Variants in TMEM156 observed in about 807,000 individuals in gnomAD.
TMEM156 encodes transmembrane protein 156.
TMEM156 carries 28 observed loss-of-function variants against 30.5 expected under a neutral mutation model. That is an observed-to-expected ratio of 0.92 (90% CI 0.68 to 1.26). The LOEUF (loss-of-function observed/expected upper bound fraction) is 1.26. Ranked by LOEUF, TMEM156 falls within the 50% of genes most tolerant of loss-of-function variation. TMEM156 has a pLI of 0.00. For synonymous variants in TMEM156, 137 were observed against 119.9 expected (o/e 1.14, Z -0.93); for missense variants, 351 against 340.6 (o/e 1.03, Z -0.24).
chr4:39,030,681 G>C (rs1348227077), intron 1 of TMEM156, among the ~76,000 whole-genome samples: 2 of 152,098 alleles, frequency 1.3e-5, no homozygotes, highest in Non-Finnish European at 2.9e-5. Context: ...ATGATTACCT[G>C]GTTTTTATTA....
At chr4:38,974,619 C>T (rs1722761630) in intron 5 of TMEM156, among the ~76,000 whole-genome samples, 1 of 151,638 alleles carries the variant, frequency 6.6e-6, no homozygotes, top group African/African-American at 2.4e-5. Context: ...GGGTTTTATA[C>T]ATTTTTCCCA....
chr4:39,004,456 T>C (rs1428266293), intron 1 of TMEM156, among the ~76,000 whole-genome samples: 5 of 152,118 alleles, frequency 3.3e-5, no homozygotes, highest in Non-Finnish European at 5.9e-5. Context: ...CTAAGACCCA[T>C]GTACCTATCA....
At chr4:38,990,125 T>C (rs557472751) in intron 3 of TMEM156, among the ~76,000 whole-genome samples, 31 of 152,204 alleles carry the variant, frequency 2.0e-4, no homozygotes, top group Non-Finnish European at 4.0e-4. Context: ...CCACCCTGTG[T>C]ACACTCTTCT....
chr4:38,994,046 C>A, intron 2 of TMEM156, 48 bp from the exon 3 acceptor site: 2 of 1,490,552 alleles, frequency 1.3e-6, no homozygotes, highest in Non-Finnish European at 9.2e-7. Context: ...TAATACATAG[C>A]AAGAAAACAC....
At chr4:38,973,596 G>C (rs1204906315) in intron 5 of TMEM156, among the ~76,000 whole-genome samples, 1 of 152,080 alleles carries the variant, frequency 6.6e-6, no homozygotes, top group African/African-American at 2.4e-5. Flanking sequence ...TAAGGGAATT[G>C]TCTTAGGTTT....
rs1712197329 is a variant in TMEM156 at position 38,988,803 on chromosome 4, C to G, written c.739+48G>C. On this transcript the variant is annotated intron_variant, in intron 4 of 6. Transcript: ENST00000381938. ...AATTGTACTAAAAAGGAAATGAAAT[C>G]CATAGAAGAGATCAGGAGTTCCTCG... 3.1e-6 allele frequency: 5 copies of G among 1,610,272 alleles called. No homozygotes were observed. In the South Asian group the frequency reaches 5.5e-5, roughly 18 times the overall value.
At chr4:39,020,112 A>C (rs1024579781) in intron 1 of TMEM156, among the ~76,000 whole-genome samples, 3 of 152,202 alleles carry the variant, frequency 2.0e-5, no homozygotes, top group African/African-American at 7.2e-5. Flanking sequence ...AGATTCATTC[A>C]TACTGTTGCA....
chr4:39,017,971 G>T (rs1175842034), intron 1 of TMEM156, among the ~76,000 whole-genome samples: 2 of 151,942 alleles, frequency 1.3e-5, no homozygotes, highest in East Asian at 1.9e-4. Context: ...GGATAGATTT[G>T]CCCATTTACA....
At chr4:39,012,500 C>T (rs180862481) in intron 1 of TMEM156, among the ~76,000 whole-genome samples, 29 of 152,256 alleles carry the variant, frequency 1.9e-4, no homozygotes, top group Non-Finnish European at 1.0e-4. Context: ...TAGGAGAAAA[C>T]ATTGATTAGA....
chr4:38,981,642 C>T (rs549224790), intron 5 of TMEM156, among the ~76,000 whole-genome samples: 3 of 152,258 alleles, frequency 2.0e-5, no homozygotes, highest in Admixed American at 6.5e-5. Flanking sequence ...TGTTAGAAAC[C>T]AGCTATGAAC....
intron 1 of TMEM156, among the ~76,000 whole-genome samples, chr4:39,025,725 C>T (rs1351587659): frequency 6.6e-6 from 1 of 152,104 alleles, no homozygotes; most frequent in Non-Finnish European, 1.5e-5. Flanking sequence ...TTATGAAATT[C>T]CCTGTAGATA....
chr4:38,991,126 C>T (rs917555046), intron 3 of TMEM156, among the ~76,000 whole-genome samples: 5 of 151,496 alleles, frequency 3.3e-5, no homozygotes, highest in Admixed American at 1.3e-4. Flanking sequence ...TGACCCACCT[C>T]GCCCAGTTAA....
chr4:38,980,998 C>A, intron 5 of TMEM156: 1 of 962,006 alleles, frequency 1.0e-6, no homozygotes, highest in Middle Eastern at 5.4e-4. Context: ...TTTCTTCCTG[C>A]AAAAAGAATC....
intron 1 of TMEM156, among the ~76,000 whole-genome samples, chr4:39,014,524 G>T (rs1017160718): frequency 6.6e-6 from 1 of 151,936 alleles, no homozygotes; most frequent in African/African-American, 2.4e-5. Flanking sequence ...TTTGGGAGGC[G>T]GAGGTGGGCA....
chr4:38,970,330 C>G (rs763177191), intron 6 of TMEM156, among the ~76,000 whole-genome samples: 3 of 152,120 alleles, frequency 2.0e-5, no homozygotes, highest in Non-Finnish European at 4.4e-5. Context: ...TTAAACTAAT[C>G]TCAAATTATT....
intron 5 of TMEM156, among the ~76,000 whole-genome samples, chr4:38,978,856 C>G (rs1269846518): frequency 6.6e-6 from 1 of 152,134 alleles, no homozygotes; most frequent in Admixed American, 6.5e-5. Context: ...AATCACATCT[C>G]ATTGCAGCCT....
At chr4:38,986,682 C>T (rs1159877433) in intron 4 of TMEM156, among the ~76,000 whole-genome samples, 1 of 151,274 alleles carries the variant, frequency 6.6e-6, no homozygotes, top group Non-Finnish European at 1.5e-5. Context: ...GTGGTGCATG[C>T]CTGTAGTCCC....
intron 3 of TMEM156, 74 bp downstream of exon 3, chr4:38,993,664 G>T (rs186271389): frequency 2.2e-4 from 291 of 1,314,478 alleles, no homozygotes; most frequent in Non-Finnish European, 3.0e-4. Flanking sequence ...TTCAGTTAAT[G>T]TGATAGCCCT....
rs71304784 is a variant in TMEM156, at chr4:38,990,830, G to GTTTTTTTTTTTTTTTTTTT, written c.620-1879_620-1861dup. 1.7e-3 allele frequency among the ~76,000 whole-genome samples: 135 copies of GTTTTTTTTTTTTTTTTTTT among 81,190 alleles called. 17 individuals are homozygous for GTTTTTTTTTTTTTTTTTTT. The highest frequency in any genetic ancestry group is 7.2e-3 in the Middle Eastern group (1 of 138). The allele number at this position is 81,190 out of a possible 152,430, so 53.3% of individuals were successfully genotyped here. ...CTTTGTTTTTTTGGTTTGTTTTCTG[G>GTTTTTTTTTTTTTTTTTTT]TTTTTTTTTTTTTTTTTTTTTTTGA... On this transcript the variant is annotated intron_variant, in intron 3 of 6. Transcript: ENST00000381938.
Sources: allele counts gnomAD v4.1 joint callset (sites outside exome capture counted in the v4.1 genomes callset), GRCh38; gene constraint gnomAD v4.1.1; transcripts MANE v1.5; gene names NCBI Gene and HGNC (gene_info 2026-07-23, HGNC 2026-07-21).